B3GAT2: variants seen among roughly 807,000 people sequenced by gnomAD.
B3GAT2 encodes the protein beta-1,3-glucuronyltransferase 2, also known as galactosylgalactosylxylosylprotein 3-beta-glucuronosyltransferase 2.
B3GAT2 carries 26 observed loss-of-function variants against 27.8 expected under a neutral mutation model. The observed-to-expected ratio is 0.93, with a 90% CI of 0.68 to 1.30. The LOEUF (loss-of-function observed/expected upper bound fraction) is 1.30, where lower values mean the gene tolerates loss of function less well. Among genes scored for constraint, B3GAT2 ranks in the 50% most tolerant of loss-of-function variants. The pLI, the probability that B3GAT2 is intolerant of heterozygous loss-of-function variation, is 0.00. For missense variants in B3GAT2, 458 were observed against 459.0 expected, an observed-to-expected ratio of 1.00 and a Z score of 0.02; for synonymous variants, 218 against 195.1, an observed-to-expected ratio of 1.12 and a Z score of -0.98.
intron 1 of B3GAT2, among the ~76,000 whole-genome samples, chr6:70,900,537 C>T (rs1418294177): frequency 6.6e-6 from 1 of 152,170 alleles, no homozygotes; most frequent in Non-Finnish European, 1.5e-5. Flanking sequence ...TACAGGCATG[C>T]CATGCCAGGA....
Position 70,858,046 on chromosome 6 carries a change from G to C in B3GAT2, c.*3617C>G, listed in dbSNP as rs2150014764. The C allele has an allele frequency of 2.5e-6, 4 of 1,614,156 alleles. No homozygotes were observed. Among genetic ancestry groups the C allele is most frequent in the East Asian group, 2.2e-5 (1 of 44,864 alleles). ...GCCTTATAGGAAATGTGATGGGACA[G>C]AGTCCAAGCATGATGGTGGGCATGC... is the stretch of plus-strand genomic sequence containing the variant. On this transcript the variant is annotated 3_prime_UTR_variant, in exon 4 of 4. Transcript: ENST00000230053.
At chr6:70,866,255 G>T (rs1326607748) in intron 2 of B3GAT2, among the ~76,000 whole-genome samples, 1 of 152,164 alleles carries the variant, frequency 6.6e-6, no homozygotes, top group Non-Finnish European at 1.5e-5. Context: ...CGTGCCTGTT[G>T]TAAGGTCAAA....
At chr6:70,881,532 A>G (rs1394128590) in intron 2 of B3GAT2, among the ~76,000 whole-genome samples, 1 of 152,154 alleles carries the variant, frequency 6.6e-6, no homozygotes, top group Non-Finnish European at 1.5e-5. Flanking sequence ...GTTTCCACAG[A>G]AAAACCAGGG....
At chr6:70,874,236 G>A (rs191935104) in intron 2 of B3GAT2, among the ~76,000 whole-genome samples, 16 of 152,050 alleles carry the variant, frequency 1.1e-4, no homozygotes, top group African/African-American at 3.9e-4. Flanking sequence ...TATCGTTTTA[G>A]TGACTTCCTT....
In B3GAT2 at chr6:70,861,973, C is replaced by A; in HGVS notation, c.742G>T (p.Ala248Ser). The change falls in exon 3 of 4, where the codon GCT (alanine) becomes TCT (serine). Residue 248 changes from alanine (A) to serine (S), a missense_variant. Ala to Ser is a moderately conservative substitution (Grantham distance 99). Transcript: ENST00000230053. ...GACAAAATGACTTGAAGACTTACAGCAAATCCTTTGTGAAAAATAAAAAAA... is the reference window on the plus strand; with the variant it reads ...GACAAAATGACTTGAAGACTTACAGAAAATCCTTTGTGAAAAATAAAAAAA... The part of the protein sequence containing the change: ...RPFAIDMAGF[A>S]VSLQVILSNP... 1 of 1,581,194 alleles carries A rather than the reference C, an allele frequency of 6.3e-7. No homozygotes were observed.
intron 2 of B3GAT2, 139 bp from the exon 3 acceptor site, chr6:70,862,117 G>T: frequency 1.4e-6 from 1 of 724,222 alleles, no homozygotes; most frequent in Non-Finnish European, 2.2e-6. Flanking sequence ...AGTTGAATAG[G>T]AACATTACCT....
intron 2 of B3GAT2, among the ~76,000 whole-genome samples, chr6:70,865,845 A>G (rs1289768850): frequency 1.3e-5 from 2 of 152,220 alleles, no homozygotes; most frequent in African/African-American, 4.8e-5. Context: ...CACATGAGAC[A>G]GAGATCTCTG....
chr6:70,929,625 T>C (rs1427671774), intron 1 of B3GAT2, among the ~76,000 whole-genome samples: 2 of 152,052 alleles, frequency 1.3e-5, no homozygotes, highest in Non-Finnish European at 2.9e-5. Flanking sequence ...CACCCAGGAA[T>C]CCAACTTACA....
chr6:70,888,758 C>G (rs948052823), intron 2 of B3GAT2, among the ~76,000 whole-genome samples: 1 of 152,242 alleles, frequency 6.6e-6, no homozygotes, highest in Non-Finnish European at 1.5e-5. Context: ...TTGCCCTTCC[C>G]AAGAGCTACA....
At chr6:70,878,071 T>A (rs1772042400) in intron 2 of B3GAT2, among the ~76,000 whole-genome samples, 1 of 152,226 alleles carries the variant, frequency 6.6e-6, no homozygotes, top group African/African-American at 2.4e-5. Context: ...AGCACTTTTT[T>A]AAGGTTTTAT....
intron 1 of B3GAT2, among the ~76,000 whole-genome samples, chr6:70,949,593 T>G (rs1369516606): frequency 5.4e-5 from 8 of 147,356 alleles, no homozygotes; most frequent in Non-Finnish European, 1.2e-4. Context: ...GGAACACTTT[T>G]ACACTGTTGG....
intron 1 of B3GAT2, among the ~76,000 whole-genome samples, chr6:70,943,805 G>C (rs116069724): frequency 6.6e-6 from 1 of 151,996 alleles, no homozygotes; most frequent in East Asian, 1.9e-4. Context: ...AAAAAGGTAG[G>C]GGTAGGAATT....
Position 70,955,941 on chromosome 6 carries a change from G to A in B3GAT2, c.489C>T (p.Gly163=). The A allele has an allele frequency of 1.9e-6, 3 of 1,579,126 alleles. No homozygotes were observed. The highest frequency in any genetic ancestry group is 2.4e-5 in the East Asian group (1 of 41,938). The change falls in exon 1 of 4, where the codon GGC becomes GGT. Residue 163 remains glycine, a synonymous_variant. Transcript: ENST00000230053. ...LPRATEQRNA[G]LAWLRQRHQH... ...GGTGCCTCTGGCGCAGCCAGGCGAG[G>A]CCCGCGTTGCGCTGCTCAGTGGCGC...
chr6:70,897,050 C>T (rs1047997270), intron 1 of B3GAT2, among the ~76,000 whole-genome samples: 1 of 152,164 alleles, frequency 6.6e-6, no homozygotes, highest in African/African-American at 2.4e-5. Flanking sequence ...CGTCTAGTTC[C>T]TCCACATCCT....
In B3GAT2 at chr6:70,894,018, G is replaced by C. The variant is rs1423376352; in HGVS notation, c.736+110C>G. The C allele has an allele frequency of 2.5e-6, 3 of 1,209,132 alleles. No individual in the cohort carries two copies. The Admixed American group carries it at 8.0e-5, about 32-fold the overall frequency. The allele number at this position is 1,209,132 out of a possible 1,614,324, so 74.9% of individuals were successfully genotyped here. A position where few individuals can be genotyped will look rare whatever the true frequency, so the allele number is the denominator to read the frequency against. On this transcript the variant is annotated intron_variant, in intron 2 of 3. Coordinates refer to ENST00000230053, the MANE Select transcript of B3GAT2 (RefSeq NM_080742.3). ...CATCTCCTGAATATGATATGATGTA[G>C]GGTTTTATCCAAATTTGTCTTTTAA... is the stretch of plus-strand genomic sequence containing the variant.
chr6:70,900,351 G>C (rs948441113), intron 1 of B3GAT2, among the ~76,000 whole-genome samples: 1 of 152,114 alleles, frequency 6.6e-6, no homozygotes, highest in Non-Finnish European at 1.5e-5. Context: ...TCCAGGAAAG[G>C]AGGGAGGCAG....
intron 1 of B3GAT2, among the ~76,000 whole-genome samples, chr6:70,951,025 A>C (rs1765571190): frequency 6.6e-6 from 1 of 152,168 alleles, no homozygotes; most frequent in African/African-American, 2.4e-5. Flanking sequence ...CTGGTATAAC[A>C]ATTTTATTTG....
At chr6:70,904,601 A>C (rs1391297469) in intron 1 of B3GAT2, among the ~76,000 whole-genome samples, 1 of 152,196 alleles carries the variant, frequency 6.6e-6, no homozygotes, top group South Asian at 2.1e-4. Context: ...AACGCCAAGA[A>C]GTGCTCAAAG....
Position 70,941,119 on chromosome 6 carries a change from C to T in B3GAT2, c.591+14720G>A, listed in dbSNP as rs749499679. On this transcript the variant is annotated intron_variant, in intron 1 of 3. Transcript: ENST00000230053. Reference sequence around the variant, plus strand: ...ATACCCAATGGTGTAATTAAGGTACCCAATTTATGCAGTTCCACTTGGGTA... The same window carrying T: ...ATACCCAATGGTGTAATTAAGGTACTCAATTTATGCAGTTCCACTTGGGTA... Among the ~76,000 whole-genome samples, 9 of 152,038 alleles carry T rather than the reference C, an allele frequency of 5.9e-5. 1 individual carries two copies. The highest frequency in any genetic ancestry group is 9.7e-5 in the African/African-American group (4 of 41,408).
Sources: gnomAD v4.1 joint callset for allele counts (sites outside exome capture counted in the v4.1 genomes callset) on GRCh38, gnomAD v4.1.1 for gene constraint, MANE v1.5 for transcripts, NCBI Gene and HGNC (gene_info 2026-07-23, HGNC 2026-07-21) for gene names.